KALRN: variants seen among roughly 807,000 people sequenced by gnomAD.
The protein encoded by KALRN is kalirin.
KALRN carries 70 observed loss-of-function variants against 353.7 expected under a neutral mutation model. That is an observed-to-expected ratio of 0.20 (90% CI 0.16 to 0.24). The LOEUF (loss-of-function observed/expected upper bound fraction) is 0.24, where lower values mean the gene tolerates loss of function less well. Among genes scored for constraint, KALRN ranks in the 10% least tolerant of loss-of-function variants. The pLI, the probability that KALRN is intolerant of heterozygous loss-of-function variation, is 1.00. For missense variants in KALRN, 2,791 were observed against 3,756.7 expected, an observed-to-expected ratio of 0.74 and a Z score of 6.72; for synonymous variants, 1,391 against 1,434.8, an observed-to-expected ratio of 0.97 and a Z score of 0.69.
At chr3:124,204,535 T>C (rs867182752) in intron 1 of KALRN, among the ~76,000 whole-genome samples, 9 of 152,374 alleles carry the variant, frequency 5.9e-5, no homozygotes, top group Middle Eastern at 3.4e-3. Flanking sequence ...GATATTGGAT[T>C]GGTGCATACT....
chr3:124,189,065 T>C (rs1452371172), intron 1 of KALRN, among the ~76,000 whole-genome samples: 8 of 152,192 alleles, frequency 5.3e-5, no homozygotes, highest in Non-Finnish European at 1.2e-4. Context: ...AGGGAAACAA[T>C]ATCTCTGTCT....
intron 5 of KALRN, among the ~76,000 whole-genome samples, chr3:124,286,830 A>G (rs923726588): frequency 1.1e-4 from 16 of 152,028 alleles, no homozygotes; most frequent in African/African-American, 3.6e-4. Context: ...TTCTATAGAC[A>G]ATTTTATTGT....
intron 3 of KALRN, among the ~76,000 whole-genome samples, chr3:124,236,365 G>A (rs964601912): frequency 1.3e-5 from 2 of 152,150 alleles, no homozygotes; most frequent in African/African-American, 4.8e-5. Context: ...AATAACTCGT[G>A]ATTGATATAG....
intron 51 of KALRN, 101 bp from the exon 52 acceptor site, chr3:124,693,703 T>G: frequency 1.4e-6 from 1 of 712,050 alleles, no homozygotes; most frequent in Non-Finnish European, 2.3e-6. Context: ...AGGCCTCATC[T>G]CCCTAAATTG....
At chr3:124,575,993 C>T (rs2149203757) in intron 34 of KALRN, among the ~76,000 whole-genome samples, 1 of 152,144 alleles carries the variant, frequency 6.6e-6, no homozygotes, top group East Asian at 1.9e-4. Flanking sequence ...CAGCCTGCCT[C>T]ACTGAGCCAT....
At chr3:124,109,270 CTTA>C (rs1272795485) in intron 1 of KALRN, among the ~76,000 whole-genome samples, 3 of 151,792 alleles carry the variant, frequency 2.0e-5, no homozygotes, top group Non-Finnish European at 4.4e-5. Context: ...GTCTATATTT[CTTA>C]TTATTCTAGA....
intron 23 of KALRN, 58 bp downstream of exon 23, chr3:124,456,786 C>T (rs558349043): frequency 1.2e-5 from 14 of 1,156,248 alleles, no homozygotes; most frequent in South Asian, 6.4e-5. Flanking sequence ...GGGCTTTCAC[C>T]GCTACTTGTC....
intron 58 of KALRN, among the ~76,000 whole-genome samples, chr3:124,714,692 G>A (rs1016567251): frequency 1.3e-5 from 2 of 152,162 alleles, no homozygotes; most frequent in African/African-American, 4.8e-5. Flanking sequence ...AGTTATAAGG[G>A]TAGTTTATAG....
chr3:124,599,325 G>A (rs930460240), intron 34 of KALRN, among the ~76,000 whole-genome samples: 1 of 152,138 alleles, frequency 6.6e-6, no homozygotes, highest in Non-Finnish European at 1.5e-5. Flanking sequence ...CCGTTCTTTG[G>A]TCTATAAGAA....
At chr3:124,083,723 A>G (rs1198646500) in intron 1 of KALRN, among the ~76,000 whole-genome samples, 1 of 152,244 alleles carries the variant, frequency 6.6e-6, no homozygotes, top group Admixed American at 6.5e-5. Context: ...TAGTGGTGAC[A>G]AAACAATTAC....
intron 14 of KALRN, among the ~76,000 whole-genome samples, chr3:124,419,445 C>T (rs1359273190): frequency 6.6e-6 from 1 of 151,914 alleles, no homozygotes; most frequent in Non-Finnish European, 1.5e-5. Context: ...AGCCCAGAGT[C>T]TCACCATTCA....
chr3:124,337,461 G>A (rs192054804), intron 9 of KALRN, among the ~76,000 whole-genome samples: 2 of 152,314 alleles, frequency 1.3e-5, no homozygotes, highest in Admixed American at 6.5e-5. Flanking sequence ...ATTTGCGTAT[G>A]TTGAACCAGC....
chr3:124,699,783 A>T, intron 55 of KALRN, 86 bp from the exon 56 acceptor site: 6 of 1,311,672 alleles, frequency 4.6e-6, no homozygotes, highest in Non-Finnish European at 6.5e-6. Context: ...GAATGTGTCT[A>T]TTTTCCTGTC....
intron 10 of KALRN, among the ~76,000 whole-genome samples, chr3:124,381,812 C>A (rs2149900086): frequency 6.6e-6 from 1 of 152,266 alleles, no homozygotes; most frequent in African/African-American, 2.4e-5. Flanking sequence ...TGGAAACTGC[C>A]TTTAAGGAGC....
chr3:124,379,929 A>T (rs1228612977), intron 10 of KALRN, among the ~76,000 whole-genome samples: 6 of 151,778 alleles, frequency 4.0e-5, no homozygotes, highest in Admixed American at 3.3e-4. Flanking sequence ...ATGCTTACAT[A>T]TTTTTTTTCC....
At chr3:124,693,702 C>G in intron 51 of KALRN, 102 bp from the exon 52 acceptor site, 1 of 704,332 alleles carries the variant, frequency 1.4e-6, no homozygotes, top group Non-Finnish European at 2.3e-6. Flanking sequence ...CAGGCCTCAT[C>G]TCCCTAAATT....
chr3:124,684,099 T>C (rs1172051015), intron 51 of KALRN, among the ~76,000 whole-genome samples: 1 of 152,188 alleles, frequency 6.6e-6, no homozygotes, highest in African/African-American at 2.4e-5. Context: ...AGAAATTCTT[T>C]AGTGGACCCA....
Position 124,719,614 on chromosome 3 carries a change from G to T in KALRN, c.*144G>T. 1 of 768,764 alleles carries T rather than the reference G, an allele frequency of 1.3e-6. No individual in the cohort carries two copies. The highest frequency in any genetic ancestry group is 2.0e-6 in the Non-Finnish European group (1 of 488,386). The allele number at this position is 768,764 out of a possible 1,614,324, so 47.6% of individuals were successfully genotyped here. ...ATGTACCTCTTAAACCTCGTCAGTG[G>T]TTATTCAGGGTCTGAGCAGCAGTAA... On this transcript the variant is annotated 3_prime_UTR_variant, in exon 60 of 60. Coordinates refer to ENST00000682506, the MANE Select transcript of KALRN (RefSeq NM_001388419.1). This position sits in a 1 kb window ranked among gnomAD's most constrained non-coding sequence, Gnocchi z 5.3.
chr3:124,216,228 T>A (rs2077318136), intron 1 of KALRN, among the ~76,000 whole-genome samples: 1 of 152,186 alleles, frequency 6.6e-6, no homozygotes, highest in Non-Finnish European at 1.5e-5. Context: ...TCATTTCATT[T>A]TTTTCTCTGC....
Sources: allele counts gnomAD v4.1 joint callset (sites outside exome capture counted in the v4.1 genomes callset), GRCh38; gene constraint gnomAD v4.1.1; non-coding constraint Gnocchi (gnomAD v3.1); transcripts MANE v1.5; gene names NCBI Gene and HGNC (gene_info 2026-07-23, HGNC 2026-07-21).